TLN2: variants seen among roughly 807,000 people sequenced by gnomAD.
TLN2 encodes the protein talin 2.
Under a neutral mutation model 294.7 loss-of-function variants are expected in TLN2, and 118 were observed. That is an observed-to-expected ratio of 0.40 (90% CI 0.34 to 0.47). TLN2 has a LOEUF of 0.47. Ranked by LOEUF, TLN2 falls within the 20% of genes least tolerant of loss-of-function variation. TLN2 has a pLI of 0.84. For missense variants in TLN2, 3,083 were observed against 3,282.2 expected (o/e 0.94, Z 1.48); for synonymous variants, 1,431 against 1,304.5 (o/e 1.10, Z -2.09).
chr15:62,832,562 G>A (rs2068983953), intron 54 of TLN2: 1 of 152,246 alleles, frequency 6.6e-6, no homozygotes, highest in South Asian at 2.1e-4. Context: ...CAGCAAAGGA[G>A]ATGGTGGTGA....
chr15:62,522,957 C>T (rs1051906173), intron 1 of TLN2, among the ~76,000 whole-genome samples: 15 of 134,964 alleles, frequency 1.1e-4, no homozygotes, highest in African/African-American at 5.2e-4. Context: ...CACACACACA[C>T]ACACACACAC....
chr15:62,698,778 G>A lies in TLN2; in HGVS notation c.1498G>A (p.Gly500Arg). Residue 500 changes from glycine (G) to arginine (R), a missense_variant, in exon 16 of 59, where the codon GGG becomes AGG. Physicochemically the swap from Gly to Arg is moderately radical, Grantham distance 125. Coordinates refer to ENST00000636159, the MANE Select transcript of TLN2 (RefSeq NM_015059.3). ...GACCTCAGCCCAGCAGGCCCTGATG[G>A]GGACCATCAACACAAGCATGCACGC... Reference protein sequence around the residue: ...PLTSAQQALMGTINTSMHAVQ... With the variant: ...PLTSAQQALMRTINTSMHAVQ... 6.2e-7 allele frequency: 1 copy of A among 1,611,576 alleles called. No homozygotes were observed. Among genetic ancestry groups the A allele is most frequent in the Non-Finnish European group, 8.5e-7 (1 of 1,179,958 alleles).
intron 46 of TLN2, among the ~76,000 whole-genome samples, chr15:62,794,006 G>C (rs951009826): frequency 6.6e-6 from 1 of 151,832 alleles, no homozygotes; most frequent in African/African-American, 2.4e-5. Flanking sequence ...AAATCTCTCA[G>C]CTGGAGGAAG....
At position 62,647,257 on chromosome 15, in the gene TLN2, T is replaced by C; in HGVS notation, c.-36-18T>C. On this transcript the variant is annotated intron_variant, in intron 3 of 58. Transcript: ENST00000636159. Reference sequence around the variant, plus strand: ...TTATTATCGTGAACATCAGGGTTTGTCTCTTTGTGTTTTCCAGACATTCTA... The same window carrying C: ...TTATTATCGTGAACATCAGGGTTTGCCTCTTTGTGTTTTCCAGACATTCTA... 1 of 1,579,538 alleles carries C rather than the reference T, an allele frequency of 6.3e-7. No homozygotes were observed. Among genetic ancestry groups the C allele is most frequent in the Middle Eastern group, 1.7e-4 (1 of 5,862 alleles).
intron 32 of TLN2, among the ~76,000 whole-genome samples, chr15:62,747,704 C>A (rs1291035778): frequency 2.6e-5 from 4 of 152,162 alleles, no homozygotes; most frequent in Non-Finnish European, 5.9e-5. Flanking sequence ...CCTGCACAGT[C>A]AAAAATTCAT....
chr15:62,580,853 C>G, intron 1 of TLN2, among the ~76,000 whole-genome samples: 1 of 151,794 alleles, frequency 6.6e-6, no homozygotes, highest in African/African-American at 2.4e-5. Context: ...TTCGCCCCGC[C>G]CCCTGACCCC....
At chr15:62,429,077 A>G (rs775018726) in intron 1 of TLN2, among the ~76,000 whole-genome samples, 2 of 121,502 alleles carry the variant, frequency 1.6e-5, no homozygotes, top group African/African-American at 3.0e-5. Context: ...CAATTTTGAC[A>G]GGTCACCAGG....
intron 3 of TLN2, among the ~76,000 whole-genome samples, chr15:62,641,605 G>A (rs552715482): frequency 6.6e-6 from 1 of 151,822 alleles, no homozygotes; most frequent in Non-Finnish European, 1.5e-5. Context: ...CCTGGGCTAC[G>A]AGTAAAGCTC....
intron 1 of TLN2, among the ~76,000 whole-genome samples, chr15:62,433,497 A>G (rs980509097): frequency 6.6e-6 from 1 of 152,086 alleles, no homozygotes; most frequent in Non-Finnish European, 1.5e-5. Context: ...GGTGTTAGCC[A>G]ATCTCAGGGG....
intron 11 of TLN2, among the ~76,000 whole-genome samples, chr15:62,679,885 G>A (rs543061907): frequency 6.6e-6 from 1 of 152,242 alleles, no homozygotes; most frequent in Admixed American, 6.5e-5. Context: ...ATAGATTTAT[G>A]TAACCCCCAC....
chr15:62,742,746 T>G (rs769869092), intron 32 of TLN2, among the ~76,000 whole-genome samples: 8 of 152,160 alleles, frequency 5.3e-5, no homozygotes, highest in Non-Finnish European at 1.0e-4. Flanking sequence ...TGAAAATGAT[T>G]GTCTTGGGAT....
intron 12 of TLN2, among the ~76,000 whole-genome samples, chr15:62,687,475 C>G (rs1225630905): frequency 6.6e-6 from 1 of 152,168 alleles, no homozygotes; most frequent in Non-Finnish European, 1.5e-5. Flanking sequence ...GTCTTCAGAC[C>G]TCTGAATTCT....
chr15:62,675,769 G>C (rs940840549), intron 11 of TLN2, among the ~76,000 whole-genome samples: 81 of 152,216 alleles, frequency 5.3e-4, no homozygotes, highest in Admixed American at 1.6e-3. Context: ...CTTCAGATCT[G>C]TTTTCATGGG....
intron 1 of TLN2, among the ~76,000 whole-genome samples, chr15:62,428,411 C>T (rs2034831277): frequency 6.6e-6 from 1 of 152,152 alleles, no homozygotes; most frequent in Non-Finnish European, 1.5e-5. Context: ...CTGTGGTTTG[C>T]GTTTAGTGTA....
In TLN2 at chr15:62,748,405, G is replaced by A. The variant is rs751608636; in HGVS notation, c.4080G>A (p.Pro1360=). ...TCACTCTGTGTACCCAACAAGCTCC[G>A]GGCCAGAAAGAGTGCGATAATGCCC... is the stretch of plus-strand genomic sequence containing the variant. ...QLITLCTQQA[P]GQKECDNALR... Residue 1360 remains proline, a synonymous_variant, in exon 33 of 59, where the codon CCG becomes CCA. Transcript: ENST00000636159. The A allele has an allele frequency of 1.2e-4, 201 of 1,613,902 alleles. 2 individuals are homozygous for A. The South Asian group carries it at 1.9e-3, about 15-fold the overall frequency.
chr15:62,403,365 GCT>G (rs2033162954), intron 1 of TLN2, among the ~76,000 whole-genome samples: 1 of 152,106 alleles, frequency 6.6e-6, no homozygotes, highest in African/African-American at 2.4e-5. Context: ...ACCATTTCCT[GCT>G]CTCTCATTGT....
intron 1 of TLN2, among the ~76,000 whole-genome samples, chr15:62,561,911 C>G (rs537358163): frequency 9.9e-5 from 15 of 152,216 alleles, no homozygotes; most frequent in Middle Eastern, 3.4e-3. Flanking sequence ...GCTCCCTGTC[C>G]TTTTCCTTCC....
At chr15:62,410,181 G>A (rs1343682144) in intron 1 of TLN2, among the ~76,000 whole-genome samples, 1 of 152,002 alleles carries the variant, frequency 6.6e-6, no homozygotes, top group Non-Finnish European at 1.5e-5. Context: ...GACGGAGGTT[G>A]CACTGAGCTG....
intron 32 of TLN2, among the ~76,000 whole-genome samples, 180 bp from the exon 33 acceptor site, chr15:62,748,171 C>T (rs1463563300): frequency 6.6e-6 from 1 of 152,114 alleles, no homozygotes; most frequent in Non-Finnish European, 1.5e-5. Flanking sequence ...TAGGGTTTCT[C>T]ATTCTGTCTT....
Sources: gnomAD v4.1 joint callset for allele counts (sites outside exome capture counted in the v4.1 genomes callset) on GRCh38, gnomAD v4.1.1 for gene constraint, MANE v1.5 for transcripts, NCBI Gene and HGNC (gene_info 2026-07-23, HGNC 2026-07-21) for gene names.